The following SIPA1L1 variants were observed in gnomAD, a reference collection of about 807,000 sequenced individuals.
SIPA1L1 encodes the protein signal-induced proliferation-associated 1-like protein 1.
Under a neutral mutation model 162.7 loss-of-function variants are expected in SIPA1L1, and 26 were observed. The observed-to-expected ratio is 0.16, with a 90% CI of 0.12 to 0.22. The LOEUF (loss-of-function observed/expected upper bound fraction) is 0.22. SIPA1L1 is among the 10% of genes least tolerant of loss of function. The pLI, the probability that SIPA1L1 is intolerant of heterozygous loss-of-function variation, is 1.00. For missense variants in SIPA1L1, 1,874 were observed against 2,241.0 expected, an observed-to-expected ratio of 0.84 and a Z score of 3.31; for synonymous variants, 829 against 837.4, an observed-to-expected ratio of 0.99 and a Z score of 0.17.
chr14:71,384,514 C>T (rs2040163260), intron 2 of SIPA1L1, among the ~76,000 whole-genome samples: 1 of 152,176 alleles, frequency 6.6e-6, no homozygotes, highest in Non-Finnish European at 1.5e-5. Context: ...GGCTTTTCTG[C>T]TACACCCAAT....
intron 2 of SIPA1L1, among the ~76,000 whole-genome samples, chr14:71,386,213 T>G (rs1211982119): frequency 1.3e-5 from 2 of 152,154 alleles, no homozygotes; most frequent in African/African-American, 4.8e-5. Flanking sequence ...GTCTGTAAGC[T>G]GAGGAGCAAG....
intron 7 of SIPA1L1, among the ~76,000 whole-genome samples, chr14:71,633,008 C>G (rs117480801): frequency 6.6e-6 from 1 of 152,118 alleles, no homozygotes; most frequent in Non-Finnish European, 1.5e-5. Context: ...AAAATTTGAT[C>G]AACACATGCC....
chr14:71,484,819 G>A (rs1485888994), intron 2 of SIPA1L1, among the ~76,000 whole-genome samples: 1 of 152,212 alleles, frequency 6.6e-6, no homozygotes, highest in Non-Finnish European at 1.5e-5. Context: ...TTTAAAAAGT[G>A]AACAGAGCTA....
Position 71,650,380 on chromosome 14 carries a change from C to G in SIPA1L1, c.1864C>G (p.Gln622Glu). ...AGGCATCATGTACTGCAAAGCTGGACAGAGCACTGAAGAAGAGATGTACAA... is the reference window on the plus strand; with the variant it reads ...AGGCATCATGTACTGCAAAGCTGGAGAGAGCACTGAAGAAGAGATGTACAA... ...KVGIMYCKAGQSTEEEMYNNE... is the reference protein window; with the variant it reads ...KVGIMYCKAGESTEEEMYNNE... The change falls in exon 8 of 24, where the codon CAG becomes GAG. Residue 622 changes from glutamine (Q) to glutamate (E), a missense_variant. Physicochemically the swap from Gln to Glu is conservative, Grantham distance 29. This residue lies in a region of SIPA1L1 where 685 missense variants were observed against 828.0 expected (regional missense o/e 0.83). Coordinates refer to ENST00000381232, the MANE Select transcript of SIPA1L1 (RefSeq NM_001386936.1). 1 of 1,614,150 alleles carries G rather than the reference C, an allele frequency of 6.2e-7. No individual in the cohort carries two copies. The highest frequency in any genetic ancestry group is 8.5e-7 in the Non-Finnish European group (1 of 1,180,014).
intron 12 of SIPA1L1, among the ~76,000 whole-genome samples, chr14:71,684,002 C>T (rs2094186856): frequency 1.3e-5 from 2 of 152,160 alleles, no homozygotes. Context: ...AGTGTGAAAG[C>T]CATTGCTATT....
intron 12 of SIPA1L1, among the ~76,000 whole-genome samples, chr14:71,673,467 G>A (rs1430502852): frequency 1.3e-5 from 2 of 152,028 alleles, no homozygotes; most frequent in African/African-American, 2.4e-5. Context: ...GTCCTATTTT[G>A]CCACTAAGAT....
intron 4 of SIPA1L1, among the ~76,000 whole-genome samples, chr14:71,530,069 A>G (rs921596023): frequency 1.3e-5 from 2 of 152,210 alleles, no homozygotes; most frequent in Non-Finnish European, 2.9e-5. Context: ...ATTTGAGCCA[A>G]TACATTTCCT....
rs79220022 is a variant in SIPA1L1, at chr14:71,673,759, G to A, written c.3104+1137G>A. ...CCTTTTGGATGACTGCATTTCCCTG[G>A]AAATCAAAATATGAACTTTTAATTT... On this transcript the variant is annotated intron_variant, in intron 12 of 23. Transcript: ENST00000381232. Among the ~76,000 whole-genome samples, 874 of 152,272 alleles carry A rather than the reference G, an allele frequency of 5.7e-3. 20 individuals carry two copies. In the East Asian group the frequency reaches 0.061, roughly 11 times the overall value.
intron 2 of SIPA1L1, among the ~76,000 whole-genome samples, chr14:71,470,152 G>T (rs973441762): frequency 6.6e-6 from 1 of 152,160 alleles, no homozygotes; most frequent in African/African-American, 2.4e-5. Context: ...GGAGCTTTTG[G>T]GTAGGGCCTT....
At chr14:71,391,317 G>A (rs2141350715) in intron 2 of SIPA1L1, among the ~76,000 whole-genome samples, 1 of 152,214 alleles carries the variant, frequency 6.6e-6, no homozygotes, top group African/African-American at 2.4e-5. Context: ...GTGTTAGCCA[G>A]GATGGTCTCG....
At chr14:71,356,894 C>T (rs1238686746) in intron 2 of SIPA1L1, among the ~76,000 whole-genome samples, 2 of 151,626 alleles carry the variant, frequency 1.3e-5, no homozygotes, top group Admixed American at 6.6e-5. Flanking sequence ...CAAGTCAAGA[C>T]CCATTCTTGT....
chr14:71,642,913 A>G (rs1187198987), intron 7 of SIPA1L1, among the ~76,000 whole-genome samples: 1 of 151,768 alleles, frequency 6.6e-6, no homozygotes, highest in East Asian at 1.9e-4. Flanking sequence ...CAGATTAGAC[A>G]TTGTCGAAGA....
chr14:71,697,468 A>C (rs2081733577), intron 13 of SIPA1L1, among the ~76,000 whole-genome samples: 1 of 152,202 alleles, frequency 6.6e-6, no homozygotes, highest in Non-Finnish European at 1.5e-5. Flanking sequence ...TGTCCTGTGA[A>C]TAAAGCCATT....
At chr14:71,663,806 G>T (rs2149277216) in intron 10 of SIPA1L1, among the ~76,000 whole-genome samples, 1 of 152,284 alleles carries the variant, frequency 6.6e-6, no homozygotes, top group South Asian at 2.1e-4. Flanking sequence ...AAGACATGTG[G>T]GCAGGTCTGG....
intron 2 of SIPA1L1, among the ~76,000 whole-genome samples, chr14:71,360,391 T>G (rs1320774857): frequency 6.6e-6 from 1 of 152,220 alleles, no homozygotes; most frequent in Admixed American, 6.5e-5. Context: ...TATATGAGCC[T>G]AAGTCCAAAG....
intron 2 of SIPA1L1, among the ~76,000 whole-genome samples, chr14:71,323,314 CTG>C (rs1254430165): frequency 7.2e-5 from 11 of 152,176 alleles, no homozygotes; most frequent in East Asian, 3.9e-4. Context: ...AGATAAATGA[CTG>C]TTTTTCTTTT....
intron 3 of SIPA1L1, among the ~76,000 whole-genome samples, chr14:71,524,385 C>T (rs1278998833): frequency 6.6e-6 from 1 of 152,108 alleles, no homozygotes; most frequent in Non-Finnish European, 1.5e-5. Flanking sequence ...CTTTAGGTTC[C>T]CCTTATATAC....
chr14:71,719,479 A>G (rs927933266), intron 17 of SIPA1L1, among the ~76,000 whole-genome samples: 1 of 152,180 alleles, frequency 6.6e-6, no homozygotes, highest in Admixed American at 6.5e-5. Context: ...CCATTCTGGT[A>G]GGTGTGTAAT....
At chr14:71,734,148 A>G (rs2085064835) in intron 21 of SIPA1L1, among the ~76,000 whole-genome samples, 1 of 152,234 alleles carries the variant, frequency 6.6e-6, no homozygotes, top group Non-Finnish European at 1.5e-5. Flanking sequence ...GTCGCAAGAC[A>G]TTGTTGCTAA....
Sources: allele counts gnomAD v4.1 joint callset (sites outside exome capture counted in the v4.1 genomes callset), GRCh38; gene constraint gnomAD v4.1.1; regional missense constraint gnomAD v4.1.1; transcripts MANE v1.5; gene names NCBI Gene and HGNC (gene_info 2026-07-23, HGNC 2026-07-21).